Variants in CNTN5 observed in about 807,000 individuals in gnomAD.
CNTN5 encodes contactin-5.
CNTN5 carries 77 observed loss-of-function variants against 129.1 expected under a neutral mutation model. The ratio of observed to expected loss-of-function variants is 0.60; its 90% confidence interval spans 0.50 to 0.72. CNTN5 has a LOEUF of 0.72. Among genes scored for constraint, CNTN5 ranks in the 30% least tolerant of loss-of-function variants. CNTN5 has a pLI of 0.00. For missense variants in CNTN5, 1,478 were observed against 1,328.8 expected (o/e 1.11, Z -1.75); for synonymous variants, 509 against 465.6 (o/e 1.09, Z -1.20).
At chr11:100,023,977 G>A (rs1361372742) in intron 9 of CNTN5, among the ~76,000 whole-genome samples, 1 of 152,094 alleles carries the variant, frequency 6.6e-6, no homozygotes, top group Non-Finnish European at 1.5e-5. Flanking sequence ...ATATCCATGT[G>A]CATGGTTTTG....
intron 21 of CNTN5, among the ~76,000 whole-genome samples, chr11:100,324,309 C>T (rs1050707029): frequency 2.0e-5 from 3 of 152,128 alleles, no homozygotes; most frequent in African/African-American, 7.2e-5. Context: ...AATGGCTATA[C>T]ATTGTGAAGC....
chr11:100,276,447 G>A (rs2138801301), intron 18 of CNTN5, among the ~76,000 whole-genome samples: 1 of 148,816 alleles, frequency 6.7e-6, no homozygotes, highest in East Asian at 2.0e-4. Flanking sequence ...ACTGAGGCAT[G>A]AGAACCCGGG....
intron 1 of CNTN5, among the ~76,000 whole-genome samples, chr11:99,143,578 T>C (rs1307596485): frequency 6.6e-5 from 10 of 151,990 alleles, no homozygotes; most frequent in African/African-American, 2.4e-4. Flanking sequence ...TCCATTCCTT[T>C]GTTCCTTAAA....
At chr11:99,107,597 G>C (rs1349018978) in intron 1 of CNTN5, among the ~76,000 whole-genome samples, 1 of 151,998 alleles carries the variant, frequency 6.6e-6, no homozygotes, top group Admixed American at 6.6e-5. Flanking sequence ...TGAGCTTAAA[G>C]TTTACATTGC....
At chr11:100,082,235 T>G (rs770278843) in intron 13 of CNTN5, among the ~76,000 whole-genome samples, 1 of 152,120 alleles carries the variant, frequency 6.6e-6, no homozygotes, top group Non-Finnish European at 1.5e-5. Context: ...ATAGTCCATA[T>G]AGGAAAAATT....
intron 2 of CNTN5, among the ~76,000 whole-genome samples, chr11:99,425,516 G>A (rs1388580615): frequency 6.6e-6 from 1 of 152,230 alleles, no homozygotes; most frequent in African/African-American, 2.4e-5. Flanking sequence ...ACAAGGTGGT[G>A]GGGTGGGGGT....
chr11:100,163,234 A>T (rs1038961871), intron 13 of CNTN5, among the ~76,000 whole-genome samples: 3 of 151,830 alleles, frequency 2.0e-5, no homozygotes, highest in African/African-American at 4.8e-5. Flanking sequence ...GCTAATAAAA[A>T]TAAGGAGTCA....
chr11:100,036,557 G>C (rs1376743887), intron 9 of CNTN5, among the ~76,000 whole-genome samples: 66 of 142,242 alleles, frequency 4.6e-4, no homozygotes, highest in African/African-American at 6.7e-4. Context: ...ATTACCTTGG[G>C]CAGTATGGCC....
At chr11:99,703,942 A>T (rs1251105939) in intron 3 of CNTN5, among the ~76,000 whole-genome samples, 1 of 151,092 alleles carries the variant, frequency 6.6e-6, no homozygotes, top group Non-Finnish European at 1.5e-5. Context: ...TAGAGTAAGA[A>T]TGAGAATAAA....
chr11:99,549,138 T>A (rs1254400821), intron 2 of CNTN5, among the ~76,000 whole-genome samples: 1 of 151,922 alleles, frequency 6.6e-6, no homozygotes, highest in Non-Finnish European at 1.5e-5. Flanking sequence ...AAGTCAAATA[T>A]CTGAAGTCTT....
intron 1 of CNTN5, among the ~76,000 whole-genome samples, chr11:99,293,879 C>T (rs564809549): frequency 6.6e-6 from 1 of 151,906 alleles, no homozygotes. Context: ...ATTCATTGAT[C>T]TTTTGTAATT....
intron 3 of CNTN5, among the ~76,000 whole-genome samples, chr11:99,766,602 A>G (rs892889169): frequency 6.6e-5 from 10 of 152,042 alleles, no homozygotes; most frequent in African/African-American, 2.4e-4. Flanking sequence ...GTTTGAGACC[A>G]CACTGTTTGC....
chr11:99,677,349 G>C (rs1051393632), intron 3 of CNTN5, among the ~76,000 whole-genome samples: 7 of 152,122 alleles, frequency 4.6e-5, no homozygotes, highest in African/African-American at 1.4e-4. Context: ...AGCCATCTGA[G>C]ATAATGTTTG....
intron 17 of CNTN5, among the ~76,000 whole-genome samples, chr11:100,269,884 G>A (rs1254943310): frequency 6.6e-6 from 1 of 152,128 alleles, no homozygotes; most frequent in African/African-American, 2.4e-5. Context: ...TGTAGGTTCT[G>A]GGCTAGAGAA....
chr11:99,960,550 G>T (rs186977143), intron 8 of CNTN5, among the ~76,000 whole-genome samples: 1 of 152,072 alleles, frequency 6.6e-6, no homozygotes, highest in East Asian at 1.9e-4. Context: ...TACTATACTG[G>T]ATGTGTTTTT....
At chr11:99,557,474 T>C (rs1948710494) in intron 3 of CNTN5, among the ~76,000 whole-genome samples, 1 of 151,402 alleles carries the variant, frequency 6.6e-6, no homozygotes, top group Non-Finnish European at 1.5e-5. Flanking sequence ...AAACACATTC[T>C]CCTGTCAATT....
intron 3 of CNTN5, among the ~76,000 whole-genome samples, chr11:99,796,437 A>C (rs1180848770): frequency 1.7e-4 from 26 of 152,080 alleles, no homozygotes; most frequent in Non-Finnish European, 1.5e-5. Context: ...GCAAAGTTGC[A>C]CAGGGAAGGA....
rs188840109 is a variant in CNTN5 at position 99,480,704 on chromosome 11, A to G, written c.-70-75441A>G. 3.4e-4 allele frequency among the ~76,000 whole-genome samples: 51 copies of G among 152,220 alleles called. No individual in the cohort carries two copies. The East Asian group carries it at 4.6e-3, about 14-fold the overall frequency. On this transcript the variant is annotated intron_variant, in intron 2 of 24. Coordinates refer to ENST00000524871, the MANE Select transcript of CNTN5 (RefSeq NM_014361.4). The stretch of plus-strand genomic sequence containing the variant: ...GAAATTCATAACTTCTAATATGTAT[A>G]GTCATTTTTTTTGTTTTGTTTTTTC...
intron 1 of CNTN5, among the ~76,000 whole-genome samples, chr11:99,116,879 G>C (rs1263053449): frequency 2.6e-5 from 4 of 152,172 alleles, no homozygotes; most frequent in Admixed American, 6.6e-5. Context: ...AATAGAGTAA[G>C]CTGCTGGATA....
Sources: gnomAD v4.1 joint callset for allele counts (sites outside exome capture counted in the v4.1 genomes callset) on GRCh38, gnomAD v4.1.1 for gene constraint, MANE v1.5 for transcripts, NCBI Gene and HGNC (gene_info 2026-07-23, HGNC 2026-07-21) for gene names.